Variants in ZSCAN5A observed in about 807,000 individuals in gnomAD.
ZSCAN5A encodes the protein zinc finger and SCAN domain-containing protein 5A.
A neutral mutation model predicts 23.7 loss-of-function variants in ZSCAN5A; 12 were observed. That is an observed-to-expected ratio of 0.51 (90% CI 0.32 to 0.82). ZSCAN5A has a LOEUF of 0.82. Among genes scored for constraint, ZSCAN5A ranks in the 40% least tolerant of loss-of-function variants. The pLI is 0.03. For synonymous variants in ZSCAN5A, 257 were observed against 239.9 expected (o/e 1.07, Z -0.66); for missense variants, 597 against 617.9 (o/e 0.97, Z 0.36).
chr19:56,329,006 A>ATAAAT (rs1555811868), intron 2 of ZSCAN5A, among the ~76,000 whole-genome samples: 219 of 144,596 alleles, frequency 1.5e-3, no homozygotes, highest in African/African-American at 5.6e-3. Context: ...AAAAAAAAAA[A>ATAAAT]AAATAAATAA....
intron 2 of ZSCAN5A, among the ~76,000 whole-genome samples, chr19:56,269,802 A>G (rs926340611): frequency 1.3e-5 from 2 of 152,236 alleles, no homozygotes; most frequent in Non-Finnish European, 2.9e-5. Flanking sequence ...GAAGGCAAGG[A>G]AACAAATTCC....
intron 2 of ZSCAN5A, chr19:56,319,969 T>C (rs956348643): frequency 2.7e-5 from 33 of 1,244,156 alleles, no homozygotes; most frequent in Admixed American, 5.0e-5. Flanking sequence ...TTTCATGGAG[T>C]GTATTTTCAT....
At chr19:56,225,787 A>G (rs1378744810) in intron 2 of ZSCAN5A, among the ~76,000 whole-genome samples, 2 of 152,132 alleles carry the variant, frequency 1.3e-5, no homozygotes, top group Non-Finnish European at 2.9e-5. Flanking sequence ...AACCATTACC[A>G]CTGTTTACTT....
At chr19:56,318,276 C>T (rs1259272851), upstream of ZSCAN5A, among the ~76,000 whole-genome samples, 2 of 152,042 alleles carry the variant, frequency 1.3e-5, no homozygotes, top group Non-Finnish European at 1.5e-5. Flanking sequence ...TTCATGCTTC[C>T]GGTTCTTATT....
rs190079216 is a variant in ZSCAN5A, at chr19:56,342,578, G to C, written c.-358+20657C>G. The C allele has an allele frequency of 3.4e-4, 133 of 386,530 alleles. 1 individual carries two copies. The Middle Eastern group carries it at 4.5e-3, about 13-fold the overall frequency. The allele number at this position is 386,530 out of a possible 1,614,324, so 23.9% of individuals were successfully genotyped here. On this transcript the variant is annotated intron_variant, in intron 2 of 6. Coordinates refer to the ZSCAN5A transcript ENST00000587340. ...AGGTGAATGCTATAGAAGAGATCTT[G>C]TCAAGCAGAAGCTGACTCTGAACAT... is the stretch of plus-strand genomic sequence containing the variant.
intron 2 of ZSCAN5A, among the ~76,000 whole-genome samples, chr19:56,278,531 T>C (rs915627544): frequency 1.3e-5 from 2 of 152,200 alleles, no homozygotes; most frequent in African/African-American, 4.8e-5. Context: ...TAGGCAGAGT[T>C]CTCCAGAGAG....
chr19:56,258,953 G>A (rs117219231), intron 2 of ZSCAN5A, among the ~76,000 whole-genome samples: 539 of 152,246 alleles, frequency 3.5e-3, no homozygotes, highest in East Asian at 0.022. Context: ...CACGACACAC[G>A]GAGAGGACCT....
chr19:56,239,025 G>A (rs2035204936), intron 2 of ZSCAN5A, among the ~76,000 whole-genome samples: 1 of 152,208 alleles, frequency 6.6e-6, no homozygotes, highest in African/African-American at 2.4e-5. Flanking sequence ...AAATGCATCA[G>A]GAAATAAGTG....
intron 2 of ZSCAN5A, chr19:56,301,814 C>A: frequency 1.3e-6 from 1 of 773,512 alleles, no homozygotes; most frequent in Non-Finnish European, 1.8e-6. Flanking sequence ...AAGGGGGAAG[C>A]TGGCAGTGAT....
At position 56,358,147 on chromosome 19, in the gene ZSCAN5A, ATCTC is replaced by A. The variant is rs537110345; in HGVS notation, c.-358+5084_-358+5087del. 6.7e-5 allele frequency among the ~76,000 whole-genome samples: 10 copies of A among 148,926 alleles called. 2 individuals are homozygous for A. Among genetic ancestry groups the A allele is most frequent in the East Asian group, 3.9e-4 (2 of 5,162 alleles). On this transcript the variant is annotated intron_variant, in intron 2 of 6. Transcript: ENST00000587340. ...TTTTATTTTGTTTTATTAGGACTGA[ATCTC>A]TCTCTATCTCACAGGCTGTACTGCA...
intron 2 of ZSCAN5A, among the ~76,000 whole-genome samples, chr19:56,326,282 A>G (rs542777516): frequency 9.3e-5 from 14 of 150,830 alleles, no homozygotes; most frequent in Non-Finnish European, 1.5e-4. Context: ...GCTAATAAAT[A>G]TATCCACATC....
At chr19:56,306,189 T>C (rs2040673391) in intron 2 of ZSCAN5A, among the ~76,000 whole-genome samples, 1 of 152,216 alleles carries the variant, frequency 6.6e-6, no homozygotes, top group Non-Finnish European at 1.5e-5. Context: ...GAGATGACGG[T>C]AGCCTGGTCA....
At chr19:56,337,899 T>C (rs1002409804) in intron 2 of ZSCAN5A, among the ~76,000 whole-genome samples, 1 of 152,264 alleles carries the variant, frequency 6.6e-6, no homozygotes, top group Non-Finnish European at 1.5e-5. Flanking sequence ...TGTAAGTTTT[T>C]CTTTTATTCT....
At chr19:56,316,463 T>C (rs2041314897), upstream of ZSCAN5A, 1 of 152,844 alleles carries the variant, frequency 6.5e-6, no homozygotes, top group African/African-American at 2.4e-5. Context: ...ATTAACTATT[T>C]TATGGTTTTT....
intron 2 of ZSCAN5A, among the ~76,000 whole-genome samples, chr19:56,293,930 G>T (rs537600993): frequency 1.3e-5 from 2 of 152,144 alleles, no homozygotes; most frequent in African/African-American, 4.8e-5. Context: ...TGTCTGGCAC[G>T]GGATAAGAGC....
intron 2 of ZSCAN5A, among the ~76,000 whole-genome samples, chr19:56,240,946 C>G (rs567932302): frequency 1.8e-4 from 27 of 152,264 alleles, no homozygotes; most frequent in African/African-American, 6.3e-4. Flanking sequence ...TAGGCTCAAG[C>G]AATCATACCA....
At chr19:56,322,362 A>C in intron 2 of ZSCAN5A, 1 of 757,852 alleles carries the variant, frequency 1.3e-6, no homozygotes, top group Non-Finnish European at 2.4e-6. Flanking sequence ...GGCTTCCCCT[A>C]TTCCACACCT....
chr19:56,316,137 T>G (rs1213130484), upstream of ZSCAN5A: 1 of 152,178 alleles, frequency 6.6e-6, no homozygotes, highest in Non-Finnish European at 1.5e-5. Flanking sequence ...GTGACCTCCG[T>G]CAATCATGGT....
intron 2 of ZSCAN5A, chr19:56,321,438 A>T: frequency 4.5e-6 from 3 of 673,740 alleles, no homozygotes; most frequent in Admixed American, 4.6e-5. Context: ...TGAAATGTCC[A>T]ACGGCATTGA....
Sources: gnomAD v4.1 joint callset for allele counts (sites outside exome capture counted in the v4.1 genomes callset) on GRCh38, gnomAD v4.1.1 for gene constraint, MANE v1.5 for transcripts, NCBI Gene and HGNC (gene_info 2026-07-23, HGNC 2026-07-21) for gene names.